The following NRXN3 variants were observed in gnomAD, a reference collection of about 807,000 sequenced individuals.
NRXN3 encodes neurexin III.
In NRXN3, 32 loss-of-function variants were observed where a neutral mutation model predicts 137.6. That is an observed-to-expected ratio of 0.23 (90% CI 0.18 to 0.31). The LOEUF (loss-of-function observed/expected upper bound fraction) is 0.31. Ranked by LOEUF, NRXN3 falls within the 10% of genes least tolerant of loss-of-function variation. The probability of loss-of-function intolerance (pLI) is 1.00; values close to 1 mark genes in which losing one functional copy is unlikely to be tolerated. For synonymous variants in NRXN3, 798 were observed against 784.5 expected, an observed-to-expected ratio of 1.02 and a Z score of -0.29; for missense variants, 1,574 against 2,062.5, an observed-to-expected ratio of 0.76 and a Z score of 4.59.
At chr14:79,859,117 T>C (rs2099409171) in intron 20 of NRXN3, among the ~76,000 whole-genome samples, 1 of 152,072 alleles carries the variant, frequency 6.6e-6, no homozygotes, top group African/African-American at 2.4e-5. Flanking sequence ...TTAGAGCACA[T>C]ACTACAAGAT....
chr14:79,202,387 A>T (rs2066160609), intron 15 of NRXN3, among the ~76,000 whole-genome samples: 1 of 151,794 alleles, frequency 6.6e-6, no homozygotes, highest in South Asian at 2.1e-4. Flanking sequence ...TATTAAGATT[A>T]TTTTTTTCTG....
Position 79,259,531 on chromosome 14 carries a change from A to G in NRXN3, c.3263-207690A>G, listed in dbSNP as rs145619814. 8.5e-3 allele frequency among the ~76,000 whole-genome samples: 1,265 copies of G among 148,888 alleles called. 18 individuals are homozygous for G. The highest frequency in any genetic ancestry group is 0.029 in the African/African-American group (1,201 of 40,902). ...TAGTTATATATATATGTATCTACAT[A>G]TATATAGTTATCTATATATATAGCT... On this transcript the variant is annotated intron_variant, in intron 15 of 20. Coordinates refer to ENST00000335750, the MANE Select transcript of NRXN3 (RefSeq NM_001330195.2).
intron 4 of NRXN3, among the ~76,000 whole-genome samples, chr14:78,316,808 T>C (rs12880553): frequency 0.77 from 117,623 of 152,104 alleles, 45,568 homozygotes; most frequent in Middle Eastern, 0.87. Context: ...TTTTTTGGCT[T>C]GACTTTCTTG....
At chr14:79,794,561 G>A (rs2099155450) in intron 19 of NRXN3, among the ~76,000 whole-genome samples, 1 of 152,124 alleles carries the variant, frequency 6.6e-6, no homozygotes, top group Admixed American at 6.6e-5. Context: ...TGGTTCAAAG[G>A]GAGAGCATGA....
intron 20 of NRXN3, among the ~76,000 whole-genome samples, chr14:79,849,922 TG>T (rs755299158): frequency 2.6e-5 from 4 of 152,180 alleles, no homozygotes; most frequent in Non-Finnish European, 4.4e-5. Flanking sequence ...GGGCTCGTTT[TG>T]TAATGCTGAC....
intron 8 of NRXN3, among the ~76,000 whole-genome samples, chr14:78,791,538 A>T (rs1386134805): frequency 6.6e-6 from 1 of 152,210 alleles, no homozygotes; most frequent in African/African-American, 2.4e-5. Flanking sequence ...ATATCCTTAT[A>T]TATGAAAAGA....
chr14:78,555,824 G>T (rs2096732251), intron 4 of NRXN3, among the ~76,000 whole-genome samples: 1 of 152,128 alleles, frequency 6.6e-6, no homozygotes. Flanking sequence ...TGGTGGCAAG[G>T]GTGGGGAAAC....
intron 16 of NRXN3, among the ~76,000 whole-genome samples, chr14:79,554,918 A>T (rs910841971): frequency 6.6e-6 from 1 of 152,082 alleles, no homozygotes; most frequent in African/African-American, 2.4e-5. Context: ...TCCTTCAGGG[A>T]GTTCATTTGA....
chr14:78,649,349 G>A (rs2097716868), intron 5 of NRXN3: 9 of 1,086,180 alleles, frequency 8.3e-6, no homozygotes, highest in Non-Finnish European at 1.1e-5. Context: ...TTTTGGGTTT[G>A]CCGTGTGTTG....
intron 17 of NRXN3, 42 bp from the exon 18 acceptor site, chr14:79,692,131 A>T: frequency 2.1e-6 from 3 of 1,460,342 alleles, no homozygotes; most frequent in Non-Finnish European, 2.8e-6. Context: ...TGACTTATTG[A>T]CTTTTCAGAT....
intron 15 of NRXN3, among the ~76,000 whole-genome samples, chr14:79,012,992 C>T (rs2099573624): frequency 6.6e-6 from 1 of 152,114 alleles, no homozygotes; most frequent in East Asian, 1.9e-4. Flanking sequence ...AACTCTGAGT[C>T]CTGCATTCTC....
intron 15 of NRXN3, among the ~76,000 whole-genome samples, chr14:79,321,019 G>A (rs1417642652): frequency 6.6e-6 from 1 of 151,994 alleles, no homozygotes; most frequent in South Asian, 2.1e-4. Context: ...TCACATCTGA[G>A]CGATTTTGTA....
At chr14:79,617,032 A>T (rs1236837356) in intron 16 of NRXN3, among the ~76,000 whole-genome samples, 1 of 152,008 alleles carries the variant, frequency 6.6e-6, no homozygotes, top group Non-Finnish European at 1.5e-5. Flanking sequence ...CTTGGAAGGG[A>T]TACTGTGGTG....
intron 15 of NRXN3, among the ~76,000 whole-genome samples, chr14:79,281,490 C>T (rs2081267244): frequency 6.6e-6 from 1 of 152,084 alleles, no homozygotes; most frequent in South Asian, 2.1e-4. Flanking sequence ...AAAGGAGCTT[C>T]TTAATTTGTT....
At chr14:79,075,507 C>T (rs2045818629) in intron 15 of NRXN3, among the ~76,000 whole-genome samples, 1 of 152,146 alleles carries the variant, frequency 6.6e-6, no homozygotes, top group Admixed American at 6.5e-5. Flanking sequence ...TCCCTCTCAC[C>T]TGAAATTTCG....
At chr14:79,137,602 T>G (rs2058375741) in intron 15 of NRXN3, among the ~76,000 whole-genome samples, 1 of 152,176 alleles carries the variant, frequency 6.6e-6, no homozygotes, top group South Asian at 2.1e-4. Flanking sequence ...CTATGGTACA[T>G]TACAGTTTTA....
chr14:79,754,138 A>G (rs1457047940), intron 19 of NRXN3, among the ~76,000 whole-genome samples: 2 of 152,036 alleles, frequency 1.3e-5, no homozygotes, highest in African/African-American at 2.4e-5. Flanking sequence ...CCTGGCCAAC[A>G]TGGTGAAACC....
intron 3 of NRXN3, among the ~76,000 whole-genome samples, chr14:78,292,862 G>A (rs566168977): frequency 6.6e-6 from 1 of 152,230 alleles, no homozygotes; most frequent in Non-Finnish European, 1.5e-5. Context: ...AACCAGCCAG[G>A]GTGCTTGTCC....
intron 4 of NRXN3, among the ~76,000 whole-genome samples, chr14:78,546,754 A>G (rs565380955): frequency 5.9e-5 from 9 of 152,338 alleles, no homozygotes; most frequent in African/African-American, 2.2e-4. Context: ...TGTGGTAAGC[A>G]TTGTTATATA....
Sources: allele counts gnomAD v4.1 joint callset (sites outside exome capture counted in the v4.1 genomes callset), GRCh38; gene constraint gnomAD v4.1.1; transcripts MANE v1.5; gene names NCBI Gene and HGNC (gene_info 2026-07-23, HGNC 2026-07-21).